Variants in SNX1 observed in about 807,000 individuals in gnomAD.
The protein encoded by SNX1 is sorting nexin 1.
Under a neutral mutation model 71.8 loss-of-function variants are expected in SNX1, and 36 were observed. That is an observed-to-expected ratio of 0.50 (90% CI 0.38 to 0.66). The LOEUF is 0.66. Among genes scored for constraint, SNX1 ranks in the 30% least tolerant of loss-of-function variants. The probability of loss-of-function intolerance (pLI) is 0.00; values close to 1 mark genes in which losing one functional copy is unlikely to be tolerated. For synonymous variants in SNX1, 254 were observed against 240.7 expected (o/e 1.06, Z -0.51); for missense variants, 612 against 646.7 (o/e 0.95, Z 0.58).
chr15:64,131,774 C>T lies in SNX1; in HGVS notation c.1103C>T (p.Ser368Phe). 2 of 1,614,240 alleles carry T rather than the reference C, an allele frequency of 1.2e-6. No homozygotes were observed. Among genetic ancestry groups the T allele is most frequent in the Non-Finnish European group, 1.7e-6 (2 of 1,180,040 alleles). The change falls in exon 11 of 15, where the codon TCC becomes TTC. Residue 368 changes from serine (S) to phenylalanine (F), a missense_variant. Ser to Phe is a radical substitution (Grantham distance 155, BLOSUM62 -2). Coordinates refer to ENST00000559844, the MANE Select transcript of SNX1 (RefSeq NM_003099.5). ...EDNTALSRAL[S>F]QLAEVEEKIE... The stretch of plus-strand genomic sequence containing the variant: ...AACACGGCATTGTCACGGGCACTCT[C>T]CCAGCTGGCTGAGGTGGAAGAAAAA...
At position 64,140,567 on chromosome 15, in the gene SNX1, A is replaced by G. The variant is rs1359854738; in HGVS notation, c.*2949A>G. ...TTATAATGGAGAATGGTATTTATTT[A>G]TTTTTATTTGATTTGATTATTATTA... On this transcript the variant is annotated 3_prime_UTR_variant, in exon 15 of 15. Transcript: ENST00000559844. 2.0e-5 allele frequency: 3 copies of G among 152,002 alleles called. No homozygotes were observed. The East Asian group carries it at 5.8e-4, about 29-fold the overall frequency. 9.4% of individuals were successfully genotyped at this position (152,002 alleles called of 1,614,324 possible). A position where few individuals can be genotyped will look rare whatever the true frequency, so the allele number is the denominator to read the frequency against.
intron 11 of SNX1, among the ~76,000 whole-genome samples, chr15:64,132,636 A>G (rs2081318728): frequency 6.6e-6 from 1 of 152,154 alleles, no homozygotes; most frequent in African/African-American, 2.4e-5. Context: ...CCTACACTCT[A>G]AGGGCCTAAG....
Position 64,144,128 on chromosome 15 carries a change from T to C in SNX1, c.*6510T>C, listed in dbSNP as rs1276686918. 1 of 152,234 alleles carries C rather than the reference T, an allele frequency of 6.6e-6. No homozygotes were observed. The highest frequency in any genetic ancestry group is 1.5e-5 in the Non-Finnish European group (1 of 68,038). The allele number at this position is 152,234 out of a possible 1,614,324, so 9.4% of individuals were successfully genotyped here. A position where few individuals can be genotyped will look rare whatever the true frequency, so the allele number is the denominator to read the frequency against. On this transcript the variant is annotated 3_prime_UTR_variant, in exon 15 of 15. Coordinates refer to ENST00000559844, the MANE Select transcript of SNX1 (RefSeq NM_003099.5). This position sits in a 1 kb window ranked among gnomAD's most constrained non-coding sequence, Gnocchi z 4.3. ...ATGGTCACCTCTAGAGATGGAAGTTTGCATTACCTTTAATTTTTAATACCA... is the reference window on the plus strand; with the variant it reads ...ATGGTCACCTCTAGAGATGGAAGTTCGCATTACCTTTAATTTTTAATACCA...
chr15:64,098,076 C>G (rs1379297266), intron 1 of SNX1, among the ~76,000 whole-genome samples: 2 of 152,184 alleles, frequency 1.3e-5, no homozygotes, highest in African/African-American at 4.8e-5. Context: ...CCTGTGTTGC[C>G]CAGGCTTGTC....
chr15:64,108,037 C>CA (rs1365172786), intron 1 of SNX1, among the ~76,000 whole-genome samples: 1 of 151,812 alleles, frequency 6.6e-6, no homozygotes, highest in African/African-American at 2.4e-5. Flanking sequence ...ACTAAAAATA[C>CA]AAAAAATTAG....
At chr15:64,114,708 C>T (rs1448676294) in intron 2 of SNX1, among the ~76,000 whole-genome samples, 2 of 152,084 alleles carry the variant, frequency 1.3e-5, no homozygotes, top group African/African-American at 4.8e-5. Flanking sequence ...ACGTTAGAAC[C>T]TTGGTAGGAA....
At chr15:64,125,863 C>T (rs550409844) in intron 5 of SNX1, among the ~76,000 whole-genome samples, 36 of 152,198 alleles carry the variant, frequency 2.4e-4, no homozygotes, top group Admixed American at 3.9e-4. Context: ...CATTTAAAAT[C>T]ATTATTCTGA....
At chr15:64,119,783 A>G (rs1252044137) in intron 4 of SNX1, among the ~76,000 whole-genome samples, 3 of 151,856 alleles carry the variant, frequency 2.0e-5, no homozygotes, top group Non-Finnish European at 4.4e-5. Context: ...TTCAGAGTTG[A>G]TAAGACCATT....
intron 1 of SNX1, among the ~76,000 whole-genome samples, chr15:64,108,150 G>T (rs993907902): frequency 1.3e-5 from 2 of 150,434 alleles, no homozygotes; most frequent in Admixed American, 1.3e-4. Flanking sequence ...CCAAGATTGC[G>T]CCACTGCACT....
rs991831910 is a variant in SNX1 at position 64,142,488 on chromosome 15, A to G, written c.*4870A>G. 5.8e-6 allele frequency: 2 copies of G among 342,314 alleles called. No individual in the cohort carries two copies. The highest frequency in any genetic ancestry group is 4.3e-5 in the African/African-American group (2 of 46,390). 21.2% of individuals were successfully genotyped at this position (342,314 alleles called of 1,614,324 possible). ...AATGACTATCAGAGCCATGTTTGGA[A>G]GAAAATGGGGTCCAGAGCACAGGAA... On this transcript the variant is annotated 3_prime_UTR_variant, in exon 15 of 15. Transcript: ENST00000559844.
At position 64,095,988 on chromosome 15, in the gene SNX1, G is replaced by T; in HGVS notation, c.-26G>T. 6.3e-7 allele frequency: 1 copy of T among 1,591,180 alleles called. No homozygotes were observed. Among genetic ancestry groups the T allele is most frequent in the Non-Finnish European group, 8.5e-7 (1 of 1,172,658 alleles). On this transcript the variant is annotated 5_prime_UTR_variant, in exon 1 of 15. Coordinates refer to ENST00000559844, the MANE Select transcript of SNX1 (RefSeq NM_003099.5). ...GCTATCTCTCGATAAAGTTGTTGTT[G>T]CGGCTTCCGCCGCGGGTGGAAGAAG... is the stretch of plus-strand genomic sequence containing the variant.
rs779345580 is a variant in SNX1 at position 64,126,163 on chromosome 15, G to A, written c.595G>A (p.Glu199Lys). ...TCTGGGTCTTTATGAGAAGCTTTCCGAGAAGCACTCTCAGAATGGCTTCAT... is the reference window on the plus strand; with the variant it reads ...TCTGGGTCTTTATGAGAAGCTTTCCAAGAAGCACTCTCAGAATGGCTTCAT... ...DFLGLYEKLS[E>K]KHSQNGFIVP... Residue 199 changes from glutamate (E) to lysine (K), a missense_variant, in exon 6 of 15, where the codon GAG becomes AAG. This residue lies in a region of SNX1 where 316 missense variants were observed against 284.9 expected (regional missense o/e 1.11). Coordinates refer to ENST00000559844, the MANE Select transcript of SNX1 (RefSeq NM_003099.5). The A allele has an allele frequency of 3.2e-5, 52 of 1,613,954 alleles. No individual in the cohort carries two copies. The highest frequency in any genetic ancestry group is 4.3e-5 in the Non-Finnish European group (51 of 1,179,994).
At chr15:64,126,869 C>T (rs1286906422) in intron 6 of SNX1, among the ~76,000 whole-genome samples, 4 of 152,160 alleles carry the variant, frequency 2.6e-5, no homozygotes, top group Non-Finnish European at 4.4e-5. Context: ...TGTGCCACTG[C>T]GCCCGGCCAG....
In SNX1 at chr15:64,131,770, C is replaced by T; in HGVS notation, c.1099C>T (p.Leu367Phe). The stretch of plus-strand genomic sequence containing the variant: ...GGACAACACGGCATTGTCACGGGCA[C>T]TCTCCCAGCTGGCTGAGGTGGAAGA... ...SEDNTALSRA[L>F]SQLAEVEEKI... The change falls in exon 11 of 15, where the codon CTC becomes TTC. Residue 367 changes from leucine (L) to phenylalanine (F), a missense_variant. By Grantham distance (22) the Leu-to-Phe change is conservative. Transcript: ENST00000559844. 2 of 1,614,228 alleles carry T rather than the reference C, an allele frequency of 1.2e-6. No individual in the cohort carries two copies. Among genetic ancestry groups the T allele is most frequent in the Admixed American group, 1.7e-5 (1 of 60,026 alleles).
In SNX1 at chr15:64,143,045, A is replaced by G. The variant is rs1301599675; in HGVS notation, c.*5427A>G. On this transcript the variant is annotated 3_prime_UTR_variant, in exon 15 of 15. Transcript: ENST00000559844. ...CACACTCAGGGCCCACGGGAAGCCC[A>G]TAGACTTCAAGGACATCAAGCCCCA... The G allele has an allele frequency of 1.5e-5, 3 of 195,834 alleles. No homozygotes were observed. Among genetic ancestry groups the G allele is most frequent in the Non-Finnish European group, 3.2e-5 (3 of 94,588 alleles). The allele number at this position is 195,834 out of a possible 1,614,324, so 12.1% of individuals were successfully genotyped here. A position where few individuals can be genotyped will look rare whatever the true frequency, so the allele number is the denominator to read the frequency against.
chr15:64,120,476 T>C (rs572862793), intron 4 of SNX1, among the ~76,000 whole-genome samples: 3 of 152,092 alleles, frequency 2.0e-5, no homozygotes, highest in Non-Finnish European at 4.4e-5. Context: ...GGTTTCACCA[T>C]GTTGCCTAAC....
At chr15:64,105,966 T>A (rs1595978608) in intron 1 of SNX1, among the ~76,000 whole-genome samples, 1 of 152,214 alleles carries the variant, frequency 6.6e-6, no homozygotes, top group Admixed American at 6.5e-5. Flanking sequence ...GAATAATGTT[T>A]TTAAATGTAT....
chr15:64,109,084 A>G lies in SNX1; in HGVS notation c.160-3489A>G, dbSNP rs574403534. ...ATACTTCTGTGTAAGAAAAATGCAG[A>G]CCTAGGGTAGGCGCAGTGGCTCATG... is the stretch of plus-strand genomic sequence containing the variant. On this transcript the variant is annotated intron_variant, in intron 1 of 14. Coordinates refer to ENST00000559844, the MANE Select transcript of SNX1 (RefSeq NM_003099.5). 5.3e-5 allele frequency among the ~76,000 whole-genome samples: 8 copies of G among 151,686 alleles called. No homozygotes were observed. The South Asian group carries it at 1.7e-3, about 32-fold the overall frequency.
intron 11 of SNX1, 45 bp downstream of exon 11, chr15:64,131,937 GT>G: frequency 1.3e-6 from 2 of 1,597,818 alleles, no homozygotes; most frequent in Non-Finnish European, 1.7e-6. Context: ...GATTTGATTT[GT>G]TTTTCCTTTG....
Sources: allele counts gnomAD v4.1 joint callset (sites outside exome capture counted in the v4.1 genomes callset), GRCh38; gene constraint gnomAD v4.1.1; regional missense constraint gnomAD v4.1.1; non-coding constraint Gnocchi (gnomAD v3.1); transcripts MANE v1.5; gene names NCBI Gene and HGNC (gene_info 2026-07-23, HGNC 2026-07-21).